CDKL5: variants seen among roughly 807,000 people sequenced by gnomAD.
The protein encoded by CDKL5 is cyclin dependent kinase like 5.
Under a neutral mutation model 61.7 loss-of-function variants are expected in CDKL5, and 8 were observed. The observed-to-expected ratio is 0.13, with a 90% CI of 0.08 to 0.23. CDKL5 has a LOEUF of 0.23. Among genes scored for constraint, CDKL5 ranks in the 10% least tolerant of loss-of-function variants. CDKL5 has a pLI of 1.00. For synonymous variants in CDKL5, 275 were observed against 272.3 expected, an observed-to-expected ratio of 1.01 and a Z score of -0.10; for missense variants, 440 against 734.5, an observed-to-expected ratio of 0.60 and a Z score of 4.63.
rs138367164 is a variant in CDKL5 at position 18,611,922 on chromosome X, T to C, written c.2153-1230T>C. ...ACAGATGTTTCCAGAATGCTTCCTG[T>C]TTTCATTCCTATTGGTCAAGAGTCA... On this transcript the variant is annotated intron_variant, in intron 14 of 17. Transcript: ENST00000623535. 7.8e-3 allele frequency among the ~76,000 whole-genome samples: 875 copies of C among 111,835 alleles called. 7 individuals are homozygous for C. Among genetic ancestry groups the C allele is most frequent in the African/African-American group, 0.027 (828 of 30,792 alleles).
At chrX:18,609,605 C>G in intron 14 of CDKL5, 35 bp downstream of exon 14, 2 of 1,205,069 alleles carry the variant, frequency 1.7e-6, no homozygotes, top group South Asian at 1.8e-5. Flanking sequence ...AGGTTCCCCT[C>G]TCCTCCCTCT....
intron 1 of CDKL5, among the ~76,000 whole-genome samples, chrX:18,453,839 G>A (rs1283439521): frequency 8.9e-6 from 1 of 111,979 alleles, no homozygotes; most frequent in African/African-American, 3.2e-5. Context: ...TTTCATAGGC[G>A]TGTTGTCTTT....
At chrX:18,616,395 G>A (rs780345774) in intron 15 of CDKL5, among the ~76,000 whole-genome samples, 3 of 111,273 alleles carry the variant, frequency 2.7e-5, no homozygotes, top group East Asian at 2.8e-4. Context: ...GGAGGCCAAG[G>A]CGGGCAGATC....
At chrX:18,571,492 A>C (rs903673766) in intron 4 of CDKL5, among the ~76,000 whole-genome samples, 1 of 111,557 alleles carries the variant, frequency 9.0e-6, no homozygotes, top group African/African-American at 3.3e-5. Flanking sequence ...ACTAGATGGC[A>C]GTGATTTTTG....
intron 3 of CDKL5, among the ~76,000 whole-genome samples, chrX:18,531,227 C>T (rs1046011197): frequency 1.8e-5 from 2 of 112,077 alleles, no homozygotes; most frequent in Admixed American, 1.9e-4. Context: ...GACTGTTGAC[C>T]TTTGTTATGA....
At position 18,510,018 on chromosome X, in the gene CDKL5, GAA is replaced by G. The variant is rs1164820299; in HGVS notation, c.65-788_65-787del. Among the ~76,000 whole-genome samples, 457 of 62,782 alleles carry G rather than the reference GAA, an allele frequency of 7.3e-3. 2 individuals are homozygous for G. The highest frequency in any genetic ancestry group is 0.073 in the Middle Eastern group (9 of 124). The allele number at this position is 62,782 out of a possible 115,157, so 54.5% of individuals were successfully genotyped here. A position where few individuals can be genotyped will look rare whatever the true frequency, so the allele number is the denominator to read the frequency against. On this transcript the variant is annotated intron_variant, in intron 2 of 17. Transcript: ENST00000623535. ...AAAACTTAAAAAACAAAACAAAACA[GAA>G]AAAAAAAAAAAAAGAGGGGCATTTC...
At chrX:18,454,805 C>G (rs1473109871) in intron 1 of CDKL5, among the ~76,000 whole-genome samples, 1 of 110,419 alleles carries the variant, frequency 9.1e-6, no homozygotes, top group Non-Finnish European at 1.9e-5. Flanking sequence ...ATCCACCTGC[C>G]TCATTATATC....
At chrX:18,530,890 A>C (rs1923621809) in intron 3 of CDKL5, among the ~76,000 whole-genome samples, 1 of 111,107 alleles carries the variant, frequency 9.0e-6, no homozygotes, top group African/African-American at 3.3e-5. Context: ...TTGTTATTTT[A>C]TTTTTCCTAG....
At chrX:18,535,840 T>A (rs1258093928) in intron 3 of CDKL5, 2 of 112,642 alleles carry the variant, frequency 1.8e-5, no homozygotes, top group Admixed American at 9.5e-5. Context: ...TGGCTCCATA[T>A]CAACTCTTCC....
chrX:18,628,985 C>T lies in CDKL5; in HGVS notation c.*228C>T. On this transcript the variant is annotated 3_prime_UTR_variant, in exon 18 of 18. Coordinates refer to ENST00000623535, the MANE Select transcript of CDKL5 (RefSeq NM_001323289.2). The stretch of plus-strand genomic sequence containing the variant: ...GTTCCTTAGGGATCGCCACTCCCCA[C>T]AGGTCTTGTGTGAGAATAGATAGAG... 9.9e-7 allele frequency: 1 copy of T among 1,007,768 alleles called. No individual in the cohort carries two copies. Among genetic ancestry groups the T allele is most frequent in the South Asian group, 3.4e-5 (1 of 29,791 alleles). 83.1% of individuals were successfully genotyped at this position (1,007,768 alleles called of 1,213,427 possible).
chrX:18,437,332 G>T (rs1931632639), intron 1 of CDKL5, among the ~76,000 whole-genome samples: 1 of 111,540 alleles, frequency 9.0e-6, no homozygotes, highest in African/African-American at 3.3e-5. Flanking sequence ...CCTTATATAG[G>T]AATGTCATTT....
At chrX:18,589,667 G>C (rs1318361035) in intron 9 of CDKL5, 1 of 111,720 alleles carries the variant, frequency 9.0e-6, no homozygotes, top group Non-Finnish European at 1.9e-5. Flanking sequence ...TGGGATGGCT[G>C]GGTCAAATGG....
chrX:18,533,647 G>A (rs1039621897), intron 3 of CDKL5, among the ~76,000 whole-genome samples: 3 of 111,626 alleles, frequency 2.7e-5, no homozygotes, highest in Admixed American at 9.5e-5. Context: ...TAATGAGGGA[G>A]CAGCAGCTCA....
chrX:18,505,205 T>C (rs1922534535), intron 1 of CDKL5, among the ~76,000 whole-genome samples: 1 of 111,857 alleles, frequency 8.9e-6, no homozygotes, highest in South Asian at 3.7e-4. Context: ...TATCATTCTT[T>C]CTGTCTTTTT....
At chrX:18,478,355 A>G (rs1569191360) in intron 1 of CDKL5, among the ~76,000 whole-genome samples, 2 of 91,846 alleles carry the variant, frequency 2.2e-5, no homozygotes, top group Non-Finnish European at 4.1e-5. Flanking sequence ...CAGTGGTGCT[A>G]TGTCAGCTCA....
chrX:18,471,112 C>T (rs974526925), intron 1 of CDKL5, among the ~76,000 whole-genome samples: 2 of 111,927 alleles, frequency 1.8e-5, no homozygotes, highest in African/African-American at 6.5e-5. Context: ...GACTGATCCA[C>T]TACATTGAGC....
Position 18,468,768 on chromosome X carries a change from C to T in CDKL5, c.-162-38167C>T, listed in dbSNP as rs1406304050. On this transcript the variant is annotated intron_variant, in intron 1 of 17. Coordinates refer to ENST00000623535, the MANE Select transcript of CDKL5 (RefSeq NM_001323289.2). The stretch of plus-strand genomic sequence containing the variant: ...ACTTCTAGGGTTGGGTTTTCAGATA[C>T]AATCAATTTTCTTAGTCTTACGTAG... Among the ~76,000 whole-genome samples, 13 of 111,525 alleles carry T rather than the reference C, an allele frequency of 1.2e-4. No individual in the cohort carries two copies. In the Admixed American group the frequency reaches 1.3e-3, roughly 11 times the overall value.
intron 1 of CDKL5, among the ~76,000 whole-genome samples, chrX:18,440,791 G>C (rs1370129450): frequency 9.0e-6 from 1 of 111,399 alleles, no homozygotes; most frequent in African/African-American, 3.3e-5. Context: ...GTTAGTGCTG[G>C]TATTTGAGTT....
At chrX:18,621,656 A>G (rs1292610687) in intron 16 of CDKL5, among the ~76,000 whole-genome samples, 3 of 111,328 alleles carry the variant, frequency 2.7e-5, no homozygotes, top group Non-Finnish European at 5.7e-5. Flanking sequence ...CAGAATATGT[A>G]TGTTACTACA....
Sources: allele counts gnomAD v4.1 joint callset (sites outside exome capture counted in the v4.1 genomes callset), GRCh38; gene constraint gnomAD v4.1.1; transcripts MANE v1.5; gene names NCBI Gene and HGNC (gene_info 2026-07-23, HGNC 2026-07-21).